The following SHB variants were observed in gnomAD, a reference collection of about 807,000 sequenced individuals.
SHB encodes SH2 domain containing adaptor protein B.
Under a neutral mutation model 52.3 loss-of-function variants are expected in SHB, and 20 were observed. The ratio of observed to expected loss-of-function variants is 0.38; its 90% CI spans 0.27 to 0.56. The LOEUF (loss-of-function observed/expected upper bound fraction) is 0.56. Among genes scored for constraint, SHB ranks in the 20% least tolerant of loss-of-function variants. SHB has a pLI of 0.71. For synonymous variants in SHB, 397 were observed against 316.5 expected (o/e 1.25, Z -2.70); for missense variants, 825 against 723.3 (o/e 1.14, Z -1.61).
At chr9:37,960,625 G>C (rs778228590) in intron 3 of SHB, among the ~76,000 whole-genome samples, 17 of 152,190 alleles carry the variant, frequency 1.1e-4, no homozygotes, top group Non-Finnish European at 2.1e-4. Context: ...CTCATTCCTT[G>C]AGACCCAGCT....
chr9:37,947,163 C>T (rs1026910688), intron 5 of SHB, among the ~76,000 whole-genome samples: 3 of 152,172 alleles, frequency 2.0e-5, no homozygotes, highest in Non-Finnish European at 2.9e-5. Context: ...TGGCAGACAA[C>T]GAATTATGCA....
At chr9:38,003,648 G>T (rs1821045744) in intron 2 of SHB, among the ~76,000 whole-genome samples, 1 of 152,188 alleles carries the variant, frequency 6.6e-6, no homozygotes, top group Non-Finnish European at 1.5e-5. Context: ...TGAAGGGGAG[G>T]ACAGGAGCAT....
At chr9:38,025,985 G>C (rs10973642) in intron 1 of SHB, among the ~76,000 whole-genome samples, 22,036 of 152,220 alleles carry the variant, frequency 0.14, 2,020 homozygotes, top group South Asian at 0.23. Context: ...TCCCAAACTG[G>C]TTTTAGACAG....
chr9:38,004,730 G>A (rs919088883), intron 2 of SHB, among the ~76,000 whole-genome samples: 17 of 152,236 alleles, frequency 1.1e-4, no homozygotes, highest in African/African-American at 3.9e-4. Context: ...GTGGCTGGGG[G>A]CACGGGCACA....
chr9:37,979,320 A>G (rs1221226043), intron 2 of SHB, among the ~76,000 whole-genome samples: 2 of 152,276 alleles, frequency 1.3e-5, no homozygotes, highest in Non-Finnish European at 2.9e-5. Flanking sequence ...GTTTGTAAAC[A>G]GAACTACATA....
At chr9:37,957,413 T>C (rs1832648471) in intron 3 of SHB, among the ~76,000 whole-genome samples, 1 of 152,232 alleles carries the variant, frequency 6.6e-6, no homozygotes, top group South Asian at 2.1e-4. Flanking sequence ...TCTCAGCCAC[T>C]GAACCATCTT....
intron 4 of SHB, among the ~76,000 whole-genome samples, chr9:37,954,394 C>T (rs1474354749): frequency 1.3e-5 from 2 of 152,098 alleles, no homozygotes; most frequent in Non-Finnish European, 2.9e-5. Context: ...GCTCACGAAC[C>T]ATGTGTGGTT....
chr9:37,974,677 G>T lies in SHB; in HGVS notation c.999C>A (p.Ala333=). The change falls in exon 3 of 6, where the codon GCC becomes GCA. Residue 333 remains alanine (A), a synonymous_variant. Transcript: ENST00000377707. The part of the protein sequence containing the change: ...SKLPQDDDRP[A]DEYDQPWEWN... The stretch of plus-strand genomic sequence containing the variant: ...ACTCCCAAGGCTGGTCGTACTCATC[G>T]GCGGGCCTGTCGTCATCCTGGGGCA... 5 of 1,613,922 alleles carry T rather than the reference G, an allele frequency of 3.1e-6. No individual in the cohort carries two copies. The highest frequency in any genetic ancestry group is 4.2e-6 in the Non-Finnish European group (5 of 1,179,974).
intron 1 of SHB, among the ~76,000 whole-genome samples, chr9:38,026,325 G>A (rs921733849): frequency 2.0e-5 from 3 of 152,254 alleles, no homozygotes; most frequent in Non-Finnish European, 4.4e-5. Context: ...AAAGAGCTCA[G>A]GCCTGGAGGA....
intron 1 of SHB, among the ~76,000 whole-genome samples, chr9:38,030,403 T>G (rs1821399031): frequency 6.6e-6 from 1 of 152,158 alleles, no homozygotes; most frequent in Non-Finnish European, 1.5e-5. Context: ...TTCCTCCCAC[T>G]TGCTGCTTTC....
intron 2 of SHB, among the ~76,000 whole-genome samples, chr9:37,976,956 A>G (rs891760041): frequency 2.0e-5 from 3 of 152,212 alleles, no homozygotes; most frequent in Non-Finnish European, 4.4e-5. Context: ...CGCCACGAAG[A>G]AACAGAAGCC....
At chr9:38,048,166 A>G (rs907291966) in intron 1 of SHB, among the ~76,000 whole-genome samples, 1 of 152,192 alleles carries the variant, frequency 6.6e-6, no homozygotes, top group South Asian at 2.1e-4. Flanking sequence ...AAAATTTCCA[A>G]TAGTAATTAA....
intron 1 of SHB, among the ~76,000 whole-genome samples, chr9:38,016,565 A>C (rs894081016): frequency 2.6e-5 from 4 of 152,216 alleles, no homozygotes; most frequent in African/African-American, 9.6e-5. Context: ...TGGCTGAGGC[A>C]CAGAAGAGTT....
chr9:38,022,619 G>A (rs924044144), intron 1 of SHB, among the ~76,000 whole-genome samples: 1 of 152,074 alleles, frequency 6.6e-6, no homozygotes, highest in East Asian at 1.9e-4. Flanking sequence ...TCCTCCTTTG[G>A]GACCCCCCCA....
intron 3 of SHB, among the ~76,000 whole-genome samples, chr9:37,959,534 T>C (rs992409221): frequency 6.6e-6 from 1 of 152,172 alleles, no homozygotes; most frequent in East Asian, 1.9e-4. Flanking sequence ...CCTGACATCC[T>C]GGGGCTCCAC....
At chr9:37,954,823 G>A (rs1171210782) in intron 4 of SHB, among the ~76,000 whole-genome samples, 1 of 152,144 alleles carries the variant, frequency 6.6e-6, no homozygotes, top group Non-Finnish European at 1.5e-5. Context: ...GCCACTGAAG[G>A]TTTCAGAGCA....
At chr9:38,047,555 C>G (rs1054805239) in intron 1 of SHB, among the ~76,000 whole-genome samples, 4 of 152,222 alleles carry the variant, frequency 2.6e-5, no homozygotes, top group Non-Finnish European at 5.9e-5. Context: ...ACATTCCTAC[C>G]CCTCTTGGCT....
At chr9:38,017,070 A>T (rs1193534149) in intron 1 of SHB, among the ~76,000 whole-genome samples, 2 of 152,236 alleles carry the variant, frequency 1.3e-5, no homozygotes. Context: ...GGCTCCAATT[A>T]AACATGGCAA....
intron 2 of SHB, among the ~76,000 whole-genome samples, chr9:37,994,891 C>T (rs771971365): frequency 6.6e-6 from 1 of 152,104 alleles, no homozygotes; most frequent in Admixed American, 6.5e-5. Context: ...ACATTCACCC[C>T]TAAAAGGAAG....
Sources: allele counts gnomAD v4.1 joint callset (sites outside exome capture counted in the v4.1 genomes callset), GRCh38; gene constraint gnomAD v4.1.1; transcripts MANE v1.5; gene names NCBI Gene and HGNC (gene_info 2026-07-23, HGNC 2026-07-21).